Variants in ZNF100 observed in about 807,000 individuals in gnomAD.
ZNF100 encodes zinc finger protein 100, also known as zinc finger protein 100 (Y1).
In ZNF100, 12 loss-of-function variants were observed where a neutral mutation model predicts 15.8. The ratio of observed to expected loss-of-function variants is 0.76; its 90% CI spans 0.49 to 1.23. ZNF100 has a LOEUF of 1.23. Among genes scored for constraint, ZNF100 ranks in the 50% most tolerant of loss-of-function variants. The pLI is 0.00. For missense variants in ZNF100, 670 were observed against 635.6 expected, an observed-to-expected ratio of 1.05 and a Z score of -0.58; for synonymous variants, 226 against 214.8, an observed-to-expected ratio of 1.05 and a Z score of -0.45.
At chr19:21,739,834 TAAAA>T (rs568571236) in intron 4 of ZNF100, among the ~76,000 whole-genome samples, 22 of 150,820 alleles carry the variant, frequency 1.5e-4, no homozygotes, top group Middle Eastern at 3.4e-3. Flanking sequence ...ATAAATAAAA[TAAAA>T]TAAAATTAAA....
chr19:21,761,636 A>G (rs1458241646), intron 2 of ZNF100, among the ~76,000 whole-genome samples: 1 of 150,736 alleles, frequency 6.6e-6, no homozygotes, highest in Admixed American at 6.7e-5. Flanking sequence ...GCTACACTTT[A>G]TAGAAATAAT....
chr19:21,751,306 C>G, intron 2 of ZNF100: 1 of 933,326 alleles, frequency 1.1e-6, no homozygotes, highest in Non-Finnish European at 1.8e-6. Context: ...ACATAAAGAA[C>G]AGAGATGCAA....
chr19:21,732,114 C>T (rs1319384724), intron 4 of ZNF100, among the ~76,000 whole-genome samples: 6 of 151,594 alleles, frequency 4.0e-5, no homozygotes, highest in South Asian at 2.1e-4. Flanking sequence ...GAGGTTGCAG[C>T]GAGCCAAGAT....
In ZNF100 at chr19:21,725,896, A is replaced by T. The variant is rs2035773321; in HGVS notation, c.*787T>A. Reference sequence around the variant, plus strand: ...GACTTAATGATTAAAATTTTTAAAAAATTTTTCCTGTATCTGCAAAAATAT... The same window carrying T: ...GACTTAATGATTAAAATTTTTAAAATATTTTTCCTGTATCTGCAAAAATAT... On this transcript the variant is annotated 3_prime_UTR_variant, in exon 5 of 5. Transcript: ENST00000358296. 1 of 152,224 alleles carries T rather than the reference A, an allele frequency of 6.6e-6. No homozygotes were observed. The highest frequency in any genetic ancestry group is 2.1e-4 in the South Asian group (1 of 4,830). 9.4% of individuals were successfully genotyped at this position (152,224 alleles called of 1,614,324 possible). A position where few individuals can be genotyped will look rare whatever the true frequency, so the allele number is the denominator to read the frequency against.
chr19:21,744,698 C>T lies in ZNF100; in HGVS notation c.223+243G>A, dbSNP rs1460873477. On this transcript the variant is annotated intron_variant, in intron 3 of 4. Transcript: ENST00000358296. ...AAACATGGGCAACAATATTTTATGA[C>T]ACTAAATTTCTGGAATTACCACTAA... Among the ~76,000 whole-genome samples, 3 of 152,146 alleles carry T rather than the reference C, an allele frequency of 2.0e-5. No homozygotes were observed. The East Asian group carries it at 5.8e-4, about 29-fold the overall frequency.
In ZNF100 at chr19:21,755,337, A is replaced by T. The variant is rs545850783; in HGVS notation, c.97-10270T>A. The stretch of plus-strand genomic sequence containing the variant: ...AAAAAGAAAAAAAGAAAAAAAAAAA[A>T]GCTCAACATCACTGATCATCAGGGA... On this transcript the variant is annotated intron_variant, in intron 2 of 4. Transcript: ENST00000358296. Among the ~76,000 whole-genome samples the T allele has an allele frequency of 4.2e-3, 602 of 144,838 alleles. 1 individual carries two copies. Among genetic ancestry groups the T allele is most frequent in the Non-Finnish European group, 6.4e-3 (419 of 65,148 alleles).
chr19:21,751,479 T>C, intron 2 of ZNF100: 1 of 943,148 alleles, frequency 1.1e-6, no homozygotes, highest in East Asian at 2.4e-5. Flanking sequence ...ACAGTAACTC[T>C]GGTTTACTTA....
At chr19:21,755,428 A>G (rs1391100249) in intron 2 of ZNF100, among the ~76,000 whole-genome samples, 1 of 152,210 alleles carries the variant, frequency 6.6e-6, no homozygotes, top group Non-Finnish European at 1.5e-5. Context: ...TTAAAAAGTC[A>G]AGAAACAGAT....
chr19:21,730,328 C>T (rs2035889970), intron 4 of ZNF100, among the ~76,000 whole-genome samples: 1 of 151,786 alleles, frequency 6.6e-6, no homozygotes, highest in Admixed American at 6.6e-5. Context: ...AATAATATTA[C>T]ATAAGCTACA....
chr19:21,751,442 G>A (rs764183440), intron 2 of ZNF100: 2 of 843,678 alleles, frequency 2.4e-6, no homozygotes, highest in Non-Finnish European at 4.2e-6. Flanking sequence ...TCTTTTTAGT[G>A]CTGCACAGCT....
At chr19:21,764,987 T>C (rs1218475063) in intron 2 of ZNF100, among the ~76,000 whole-genome samples, 1 of 152,164 alleles carries the variant, frequency 6.6e-6, no homozygotes, top group Non-Finnish European at 1.5e-5. Flanking sequence ...AGCTAAGCCT[T>C]GAAATTCTGT....
At chr19:21,737,653 C>T (rs1438883768) in intron 4 of ZNF100, among the ~76,000 whole-genome samples, 3 of 151,736 alleles carry the variant, frequency 2.0e-5, no homozygotes, top group African/African-American at 7.3e-5. Flanking sequence ...TACTGGACAT[C>T]TACACCCTCC....
intron 4 of ZNF100, among the ~76,000 whole-genome samples, chr19:21,740,160 A>G (rs1372426564): frequency 6.6e-6 from 1 of 152,226 alleles, no homozygotes; most frequent in East Asian, 1.9e-4. Context: ...TAGAGAGTTC[A>G]GAAATGAACC....
intron 4 of ZNF100, among the ~76,000 whole-genome samples, chr19:21,731,842 C>T (rs2035925383): frequency 6.6e-6 from 1 of 152,180 alleles, no homozygotes; most frequent in African/African-American, 2.4e-5. Context: ...AGTGCCAGAA[C>T]ATCAGACAAA....
Position 21,744,010 on chromosome 19 carries a change from C to CA in ZNF100, c.322+6dup, listed in dbSNP as rs781316856. The CA allele has an allele frequency of 3.2e-5, 52 of 1,608,752 alleles. No homozygotes were observed. The South Asian group carries it at 5.6e-4, about 17-fold the overall frequency. ...CTGTGTCATCTGTTGTGTTCACTCT[C>CA]ACCTACCTGGGGGTTTGGCTACCAT... is the stretch of plus-strand genomic sequence containing the variant. On this transcript the variant is annotated splice_region_variant and intron_variant, in intron 4 of 4. Coordinates refer to ENST00000358296, the MANE Select transcript of ZNF100 (RefSeq NM_173531.4).
At chr19:21,758,311 AAT>A (rs1195837170) in intron 2 of ZNF100, among the ~76,000 whole-genome samples, 3 of 152,172 alleles carry the variant, frequency 2.0e-5, no homozygotes, top group Non-Finnish European at 4.4e-5. Flanking sequence ...ATCAGAAAAA[AAT>A]ACCTCTTTGG....
chr19:21,729,243 T>A (rs1256597599), intron 4 of ZNF100, among the ~76,000 whole-genome samples: 1 of 152,036 alleles, frequency 6.6e-6, no homozygotes, highest in Non-Finnish European at 1.5e-5. Flanking sequence ...CAAGTAAGCA[T>A]AATACTATCA....
chr19:21,743,305 A>G (rs2036152021), intron 4 of ZNF100: 1 of 152,254 alleles, frequency 6.6e-6, no homozygotes, highest in African/African-American at 2.4e-5. Flanking sequence ...TTTCATGTCC[A>G]TGGATTGAAA....
At chr19:21,764,189 T>C (rs1340421794) in intron 2 of ZNF100, among the ~76,000 whole-genome samples, 2 of 152,198 alleles carry the variant, frequency 1.3e-5, no homozygotes, top group African/African-American at 4.8e-5. Context: ...GGCTCAATAT[T>C]AGCCTTAGCT....
Sources: allele counts gnomAD v4.1 joint callset (sites outside exome capture counted in the v4.1 genomes callset), GRCh38; gene constraint gnomAD v4.1.1; transcripts MANE v1.5; gene names NCBI Gene and HGNC (gene_info 2026-07-23, HGNC 2026-07-21).